Variants in AHCY observed in about 807,000 individuals in gnomAD.
AHCY encodes the protein S-adenosyl-L-homocysteine hydrolase.
A neutral mutation model predicts 45.4 loss-of-function variants in AHCY; 24 were observed. The ratio of observed to expected loss-of-function variants is 0.53; its 90% confidence interval spans 0.38 to 0.74. AHCY has a LOEUF of 0.74. AHCY is among the 30% of genes least tolerant of loss of function. The pLI, the probability that AHCY is intolerant of heterozygous loss-of-function variation, is 0.00. For missense variants in AHCY, 449 were observed against 594.1 expected, an observed-to-expected ratio of 0.76 and a Z score of 2.54; for synonymous variants, 245 against 235.1, an observed-to-expected ratio of 1.04 and a Z score of -0.39.
chr20:34,263,872 A>G, the AHCY span, among the ~76,000 whole-genome samples: 2 of 151,670 alleles, frequency 1.3e-5, no homozygotes, highest in African/African-American at 4.8e-5. Context: ...GGTTTCGCCA[A>G]GTTTGTCAGG....
chr20:34,281,241 G>C, intron 9 of AHCY, 76 bp from the exon 10 acceptor site: 1 of 1,594,026 alleles, frequency 6.3e-7, no homozygotes, highest in East Asian at 2.2e-5. Context: ...TGCCAATAGA[G>C]GCAGAAGTGT....
In AHCY at chr20:34,281,114, T is replaced by C; in HGVS notation, c.1219A>G (p.Thr407Ala). Reference protein sequence around the residue: ...AHLGKLNVKLTKLTEKQAQYL... With the variant: ...AHLGKLNVKLAKLTEKQAQYL... ...TGGGCTTGCTTCTCAGTTAGCTTGG[T>C]CAACTTCACATTCAGCTTGCCCAGG... Residue 407 changes from threonine (T) to alanine (A), a missense_variant, in exon 10 of 10, where the codon ACC becomes GCC. Transcript: ENST00000217426. 6 of 1,614,066 alleles carry C rather than the reference T, an allele frequency of 3.7e-6. No individual in the cohort carries two copies. Among genetic ancestry groups the C allele is most frequent in the Non-Finnish European group, 5.1e-6 (6 of 1,180,028 alleles).
At chr20:34,295,672 T>A in intron 1 of AHCY, 87 bp from the exon 2 acceptor site, 1 of 1,369,170 alleles carries the variant, frequency 7.3e-7, no homozygotes, top group Non-Finnish European at 1.0e-6. Context: ...CCGATCCACG[T>A]GTGGACTCAA....
rs979204094 is a variant in AHCY at position 34,298,615 on chromosome 20, G to T, written c.29-3030C>A. On this transcript the variant is annotated intron_variant, in intron 1 of 9. Transcript: ENST00000217426. Reference sequence around the variant, plus strand: ...GGGAAGTGGCGGCGGCGGGAGGGGGGGGGGTGTCTCCCTTTCCCCAGGGGA... The same window carrying T: ...GGGAAGTGGCGGCGGCGGGAGGGGGTGGGGTGTCTCCCTTTCCCCAGGGGA... 5.4e-5 allele frequency among the ~76,000 whole-genome samples: 8 copies of T among 148,358 alleles called. 1 individual carries two copies. The South Asian group carries it at 9.8e-4, about 18-fold the overall frequency.
the AHCY span, among the ~76,000 whole-genome samples, chr20:34,235,500 C>T: frequency 5.9e-5 from 9 of 151,942 alleles, no homozygotes; most frequent in African/African-American, 1.5e-4. Context: ...CAAAAGTTCA[C>T]GAAGGTTCTA....
the AHCY span, chr20:34,269,122 C>T: frequency 2.6e-6 from 4 of 1,558,318 alleles, no homozygotes; most frequent in Non-Finnish European, 3.5e-6. Context: ...AGTGCCGCTT[C>T]TTCCGCAGCG....
chr20:34,257,533 A>T, the AHCY span, among the ~76,000 whole-genome samples: 2 of 152,174 alleles, frequency 1.3e-5, no homozygotes, highest in Non-Finnish European at 2.9e-5. Flanking sequence ...CAGAATAAAA[A>T]TTTTAAATAT....
Position 34,292,410 on chromosome 20 carries a change from G to A in AHCY, c.393C>T (p.Asp131=), listed in dbSNP as rs553442034. Residue 131 remains aspartate (D), a synonymous_variant, in exon 4 of 10, where the codon GAC becomes GAT. Coordinates refer to ENST00000217426, the MANE Select transcript of AHCY (RefSeq NM_000687.4). Reference sequence around the variant, plus strand: ...GGATGAGGTTGGTGAGGTCGCCCCCGTCGTCCAGAATCATGTTGAGGGGCC... The same window carrying A: ...GGATGAGGTTGGTGAGGTCGCCCCCATCGTCCAGAATCATGTTGAGGGGCC... ...KDGPLNMILD[D]GGDLTNLIHT... 5.1e-5 allele frequency: 83 copies of A among 1,613,794 alleles called. 1 individual carries two copies. In the Middle Eastern group the frequency reaches 5.2e-4, roughly 10 times the overall value.
At chr20:34,236,010 GAA>G in the AHCY span, among the ~76,000 whole-genome samples, 5 of 114,260 alleles carry the variant, frequency 4.4e-5, no homozygotes, top group Non-Finnish European at 8.2e-5. Flanking sequence ...GAGAAAGAGA[GAA>G]AGAGAGAGAG....
the AHCY span, among the ~76,000 whole-genome samples, chr20:34,261,745 T>C: frequency 1.3e-5 from 2 of 152,080 alleles, no homozygotes; most frequent in Non-Finnish European, 2.9e-5. Context: ...GACGCTGCAG[T>C]GAGCTATGAT....
rs199533546 is a variant in AHCY, at chr20:34,295,412, C to A, written c.202G>T (p.Val68Phe). Residue 68 changes from valine (V) to phenylalanine (F), a missense_variant, in exon 2 of 10, where the codon GTC becomes TTC. Physicochemically the swap from Val to Phe is conservative, Grantham distance 50. Coordinates refer to ENST00000217426, the MANE Select transcript of AHCY (RefSeq NM_000687.4). ...VETAVLIETLVTLGAEVQWSS... is the reference protein window; with the variant it reads ...VETAVLIETLFTLGAEVQWSS... ...GGCCTCACCTCAGCACCCAGGGTGA[C>A]GAGGGTCTCAATGAGGACGGCCGTC... The A allele has an allele frequency of 6.2e-7, 1 of 1,613,976 alleles. No homozygotes were observed. The highest frequency in any genetic ancestry group is 8.5e-7 in the Non-Finnish European group (1 of 1,179,882).
chr20:34,244,479 C>CT, the AHCY span, among the ~76,000 whole-genome samples: 1 of 152,136 alleles, frequency 6.6e-6, no homozygotes, highest in African/African-American at 2.4e-5. Context: ...AGGTGCCCGC[C>CT]TTTGACATTA....
chr20:34,306,094 A>G (rs537613336), upstream of AHCY, among the ~76,000 whole-genome samples: 5 of 151,852 alleles, frequency 3.3e-5, no homozygotes, highest in East Asian at 1.9e-4. Context: ...AAAAAAAAAA[A>G]AAAAGAAAAA....
At chr20:34,295,192 A>C in intron 2 of AHCY, 1 of 712,256 alleles carries the variant, frequency 1.4e-6, no homozygotes, top group Non-Finnish European at 2.5e-6. Context: ...TGACCTTCCC[A>C]GCCAGGGAGA....
rs1168272449 is a variant in AHCY, at chr20:34,290,458, C to G, written c.855-9G>C. ...TCATCTGCTCAAAGTGCCTGTCAGG[C>G]AGCCCAAGACCGTGGGAGATTGTCA... is the stretch of plus-strand genomic sequence containing the variant. On this transcript the variant is annotated splice_polypyrimidine_tract_variant and intron_variant, in intron 7 of 9. Transcript: ENST00000217426. This position sits in a 1 kb window ranked among gnomAD's most constrained non-coding sequence, Gnocchi z 4.5. The G allele has an allele frequency of 4.3e-6, 7 of 1,613,978 alleles. No homozygotes were observed. The East Asian group carries it at 8.9e-5, about 21-fold the overall frequency.
chr20:34,264,789 A>ATTTT, the AHCY span, among the ~76,000 whole-genome samples: 42 of 104,164 alleles, frequency 4.0e-4, no homozygotes, highest in East Asian at 5.5e-4. Context: ...AGTTTACTTC[A>ATTTT]TTTTTTTTTT....
At chr20:34,275,682 CT>C (rs57480737), downstream of AHCY, among the ~76,000 whole-genome samples, 3,614 of 139,912 alleles carry the variant, frequency 0.026, 135 homozygotes, top group African/African-American at 0.084. Flanking sequence ...TTATATCTTT[CT>C]TTTTTTTTTT....
chr20:34,304,408 C>A (rs1293939226), upstream of AHCY, among the ~76,000 whole-genome samples: 1 of 152,162 alleles, frequency 6.6e-6, no homozygotes, highest in Non-Finnish European at 1.5e-5. Context: ...CCTCCGTACA[C>A]TTTAATCATC....
Position 34,290,339 on chromosome 20 carries a change from T to C in AHCY, c.965A>G (p.Lys322Arg), listed in dbSNP as rs374892330. 4 of 1,613,970 alleles carry C rather than the reference T, an allele frequency of 2.5e-6. No homozygotes were observed. Among genetic ancestry groups the C allele is most frequent in the Non-Finnish European group, 3.4e-6 (4 of 1,180,036 alleles). Residue 322 changes from lysine to arginine, a missense_variant, in exon 8 of 10, where the codon AAG (lysine) becomes AGG (arginine). Transcript: ENST00000217426. The surrounding 1 kb of genome is among the most constrained non-coding windows in gnomAD (Gnocchi z 4.5). ...AAGGCGGGAGCTTCTCACCTGCGGC[T>C]TGATGTTCACCTTCTCCACGGCGTT... ...NENAVEKVNI[K>R]PQVDRYRLKN...
Sources: gnomAD v4.1 joint callset for allele counts (sites outside exome capture counted in the v4.1 genomes callset) on GRCh38, gnomAD v4.1.1 for gene constraint, Gnocchi (gnomAD v3.1) non-coding constraint, MANE v1.5 for transcripts, NCBI Gene and HGNC (gene_info 2026-07-23, HGNC 2026-07-21) for gene names.